The following KIAA0319L variants were observed in gnomAD, a reference collection of about 807,000 sequenced individuals.
KIAA0319L encodes KIAA0319 like.
In KIAA0319L, 55 loss-of-function variants were observed where a neutral mutation model predicts 120.1. That is an observed-to-expected ratio of 0.46 (90% CI 0.37 to 0.57). The LOEUF (loss-of-function observed/expected upper bound fraction) is 0.57. KIAA0319L is among the 20% of genes least tolerant of loss of function. KIAA0319L has a pLI of 0.00. For missense variants in KIAA0319L, 1,049 were observed against 1,255.3 expected, an observed-to-expected ratio of 0.84 and a Z score of 2.48; for synonymous variants, 398 against 471.9, an observed-to-expected ratio of 0.84 and a Z score of 2.03.
In KIAA0319L at chr1:35,547,996, CT is replaced by C. The variant is rs367961413; in HGVS notation, c.142+6353del. 4.7e-4 allele frequency among the ~76,000 whole-genome samples: 72 copies of C among 152,102 alleles called. 1 individual carries two copies. The East Asian group carries it at 9.7e-3, about 20-fold the overall frequency. Reference sequence around the variant, plus strand: ...ATTAGCCAGGTGTGGTGGTGCACCCCTGTAGTCCCAGCTACTCGGGAGGCTG... The same window carrying C: ...ATTAGCCAGGTGTGGTGGTGCACCCCGTAGTCCCAGCTACTCGGGAGGCTG... On this transcript the variant is annotated intron_variant, in intron 2 of 20. Coordinates refer to ENST00000325722, the MANE Select transcript of KIAA0319L (RefSeq NM_024874.5).
intron 2 of KIAA0319L, among the ~76,000 whole-genome samples, chr1:35,548,022 G>A (rs1324352830): frequency 6.6e-6 from 1 of 152,004 alleles, no homozygotes; most frequent in African/African-American, 2.4e-5. Context: ...TCGGGAGGCT[G>A]GGGTAGGAGA....
rs982738131 is a variant in KIAA0319L at position 35,441,086 on chromosome 1, C to G, written c.2923G>C (p.Asp975His). 1.2e-6 allele frequency: 2 copies of G among 1,614,092 alleles called. No homozygotes were observed. The highest frequency in any genetic ancestry group is 2.7e-5 in the African/African-American group (2 of 74,936). ...GGCTTCAGCTCCAGGCTTTCCTGATCCGTGGCATCCAGGATCTTGTACTTG... is the reference window on the plus strand; with the variant it reads ...GGCTTCAGCTCCAGGCTTTCCTGATGCGTGGCATCCAGGATCTTGTACTTG... ...KSKYKILDAT[D>H]QESLELKPTS... Residue 975 changes from aspartate (D) to histidine (H), a missense_variant, in exon 20 of 21, where the codon GAT (aspartate) becomes CAT (histidine). Transcript: ENST00000325722.
chr1:35,490,645 A>G (rs971456880), intron 3 of KIAA0319L, among the ~76,000 whole-genome samples: 11 of 152,248 alleles, frequency 7.2e-5, no homozygotes, highest in Non-Finnish European at 1.6e-4. Context: ...AGGAAAGGTT[A>G]TAAGACATAA....
intron 2 of KIAA0319L, among the ~76,000 whole-genome samples, chr1:35,527,255 T>C (rs1646184954): frequency 6.6e-6 from 1 of 152,104 alleles, no homozygotes; most frequent in Non-Finnish European, 1.5e-5. Context: ...GATCATGAAG[T>C]ATCTTCTTGA....
chr1:35,511,843 A>G (rs914199151), intron 2 of KIAA0319L, among the ~76,000 whole-genome samples: 1 of 152,260 alleles, frequency 6.6e-6, no homozygotes. Context: ...AGAATTTTAT[A>G]TACAGCCATA....
At position 35,444,297 on chromosome 1, in the gene KIAA0319L, T is replaced by C. The variant is rs1319163718; in HGVS notation, c.2520A>G (p.Lys840=). 1 of 1,605,506 alleles carries C rather than the reference T, an allele frequency of 6.2e-7. No individual in the cohort carries two copies. Among genetic ancestry groups the C allele is most frequent in the Non-Finnish European group, 8.5e-7 (1 of 1,176,598 alleles). ...KIQPYTEQST[K]MVFFVQNEPP... is the part of the protein sequence containing the mutation. ...GCTCGTTTTGAACAAAAAATACCAT[T>C]TTGGTGCTGCAGAGACATGCAACAG... Residue 840 remains lysine (K), a synonymous_variant, in exon 17 of 21, where the codon AAA becomes AAG. Coordinates refer to ENST00000325722, the MANE Select transcript of KIAA0319L (RefSeq NM_024874.5).
At chr1:35,526,319 GTA>G (rs1646126918) in intron 2 of KIAA0319L, among the ~76,000 whole-genome samples, 1 of 144,294 alleles carries the variant, frequency 6.9e-6, no homozygotes, top group Non-Finnish European at 1.5e-5. Flanking sequence ...ATACATATGT[GTA>G]TGTGTGTGTA....
intron 12 of KIAA0319L, among the ~76,000 whole-genome samples, chr1:35,452,376 G>A (rs1017671250): frequency 1.3e-5 from 2 of 152,176 alleles, no homozygotes; most frequent in African/African-American, 4.8e-5. Flanking sequence ...TCAGAGACTT[G>A]CCTGCAGCAG....
intron 3 of KIAA0319L, among the ~76,000 whole-genome samples, chr1:35,480,233 G>A (rs779041056): frequency 9.9e-5 from 15 of 152,102 alleles, no homozygotes; most frequent in Non-Finnish European, 1.3e-4. Context: ...AATAGAAGAT[G>A]AGCTGGAAAG....
intron 13 of KIAA0319L, 74 bp from the exon 14 acceptor site, chr1:35,450,583 G>A: frequency 7.0e-7 from 1 of 1,429,348 alleles, no homozygotes; most frequent in Non-Finnish European, 9.7e-7. Context: ...ATGCTTATGG[G>A]GAAATTAAAA....
intron 2 of KIAA0319L, among the ~76,000 whole-genome samples, chr1:35,537,628 A>C (rs1159200942): frequency 6.6e-6 from 1 of 150,556 alleles, no homozygotes; most frequent in Non-Finnish European, 1.5e-5. Context: ...AAAAAAAAAA[A>C]AAAAAAAAAC....
intron 3 of KIAA0319L, among the ~76,000 whole-genome samples, chr1:35,490,037 T>G (rs1644535253): frequency 6.6e-6 from 1 of 152,174 alleles, no homozygotes; most frequent in Non-Finnish European, 1.5e-5. Flanking sequence ...CTTGGCTCAC[T>G]GCAGCCTCGA....
chr1:35,453,585 T>C lies in KIAA0319L; in HGVS notation c.1885A>G (p.Ile629Val), dbSNP rs774591450. The change falls in exon 12 of 21, where the codon ATT becomes GTT. Residue 629 changes from isoleucine to valine, a missense_variant. Coordinates refer to ENST00000325722, the MANE Select transcript of KIAA0319L (RefSeq NM_024874.5). The surrounding 1 kb of genome is among the most constrained non-coding windows in gnomAD (Gnocchi z 4.1). ...GTTTTTTCCCAGAGATATGAGATAA[T>C]TTTCTGATCATCTGAGCTCTTGCTG... Reference protein sequence around the residue: ...DGSKSSDDQKIISYLWEKTQG... With the variant: ...DGSKSSDDQKVISYLWEKTQG... 2 of 1,614,002 alleles carry C rather than the reference T, an allele frequency of 1.2e-6. No homozygotes were observed. Among genetic ancestry groups the C allele is most frequent in the Non-Finnish European group, 1.7e-6 (2 of 1,180,006 alleles).
At chr1:35,553,366 A>AAC (rs1001156548) in intron 2 of KIAA0319L, among the ~76,000 whole-genome samples, 1 of 152,114 alleles carries the variant, frequency 6.6e-6, no homozygotes, top group African/African-American at 2.4e-5. Context: ...AAAAAAAAAA[A>AAC]AACCATGTAG....
intron 3 of KIAA0319L, among the ~76,000 whole-genome samples, chr1:35,490,079 GC>G (rs1644536836): frequency 6.6e-6 from 1 of 152,100 alleles, no homozygotes; most frequent in East Asian, 1.9e-4. Flanking sequence ...TCCTACCTCA[GC>G]CCCCCAAGTA....
chr1:35,542,095 C>T (rs1340385359), intron 2 of KIAA0319L, among the ~76,000 whole-genome samples: 1 of 152,224 alleles, frequency 6.6e-6, no homozygotes, highest in African/African-American at 2.4e-5. Flanking sequence ...TAGCAGAGAA[C>T]TCAACCCTCC....
intron 10 of KIAA0319L, 118 bp from the exon 11 acceptor site, chr1:35,454,603 C>A: frequency 6.8e-7 from 1 of 1,480,320 alleles, no homozygotes; most frequent in Non-Finnish European, 9.0e-7. Flanking sequence ...TGGTACTGGG[C>A]TATTACGTAC....
Position 35,451,692 on chromosome 1 carries a change from G to A in KIAA0319L, c.1998C>T (p.Thr666=). 2 of 1,614,132 alleles carry A rather than the reference G, an allele frequency of 1.2e-6. No homozygotes were observed. Among genetic ancestry groups the A allele is most frequent in the Non-Finnish European group, 1.7e-6 (2 of 1,180,016 alleles). ...GGTTCCTCTCATCTTTGACAGTCAA[G>A]GTGAACACATAGGTCCCCACTTGCA... ...TGLQVGTYVF[T]LTVKDERNLQ... is the part of the protein sequence containing the mutation. Residue 666 remains threonine (T), a synonymous_variant, in exon 13 of 21, where the codon ACC becomes ACT. Transcript: ENST00000325722.
chr1:35,499,255 G>A (rs924701660), intron 3 of KIAA0319L, among the ~76,000 whole-genome samples: 3 of 151,670 alleles, frequency 2.0e-5, no homozygotes, highest in African/African-American at 7.3e-5. Context: ...CCCAAAATTC[G>A]TATGTTGAAA....
Sources: gnomAD v4.1 joint callset for allele counts (sites outside exome capture counted in the v4.1 genomes callset) on GRCh38, gnomAD v4.1.1 for gene constraint, Gnocchi (gnomAD v3.1) non-coding constraint, MANE v1.5 for transcripts, NCBI Gene and HGNC (gene_info 2026-07-23, HGNC 2026-07-21) for gene names.